Variants in CDK8 observed in about 807,000 individuals in gnomAD.
CDK8 encodes the protein cyclin dependent kinase 8, also known as cyclin-dependent kinase 8.
CDK8 carries 29 observed loss-of-function variants against 71.5 expected under a neutral mutation model. That is an observed-to-expected ratio of 0.41 (90% confidence interval 0.30 to 0.55). The LOEUF (loss-of-function observed/expected upper bound fraction) is 0.55, where lower values mean the gene tolerates loss of function less well. Among genes scored for constraint, CDK8 ranks in the 20% least tolerant of loss-of-function variants. The pLI, the probability that CDK8 is intolerant of heterozygous loss-of-function variation, is 0.37. For missense variants in CDK8, 288 were observed against 572.6 expected (o/e 0.50, Z 5.07); for synonymous variants, 161 against 192.1 (o/e 0.84, Z 1.34).
At chr13:26,338,630 A>C (rs1438330332) in intron 2 of CDK8, among the ~76,000 whole-genome samples, 2 of 152,152 alleles carry the variant, frequency 1.3e-5, no homozygotes, top group Non-Finnish European at 2.9e-5. Flanking sequence ...ATTGTTAACC[A>C]AAGGTAGACC....
chr13:26,317,956 A>G (rs946286232), intron 1 of CDK8, among the ~76,000 whole-genome samples: 4 of 152,066 alleles, frequency 2.6e-5, no homozygotes, highest in African/African-American at 9.7e-5. Flanking sequence ...CAAAATAGAG[A>G]ATAAAATATA....
intron 1 of CDK8, among the ~76,000 whole-genome samples, chr13:26,261,930 T>C (rs1286442368): frequency 1.3e-5 from 2 of 152,238 alleles, no homozygotes; most frequent in Non-Finnish European, 2.9e-5. Flanking sequence ...CTGACTAGTC[T>C]ATTTTATTCC....
chr13:26,329,469 GT>G (rs35796023), intron 1 of CDK8, among the ~76,000 whole-genome samples: 2,241 of 71,542 alleles, frequency 0.031, 35 homozygotes, highest in African/African-American at 0.051. Context: ...GCCTATTTCT[GT>G]TTTTTTTTTT....
At chr13:26,310,051 C>T (rs1874216534) in intron 1 of CDK8, among the ~76,000 whole-genome samples, 1 of 152,232 alleles carries the variant, frequency 6.6e-6, no homozygotes, top group Non-Finnish European at 1.5e-5. Context: ...CCACTGTGCC[C>T]AGCCTTACCA....
chr13:26,281,786 C>T (rs1403106416), intron 1 of CDK8, among the ~76,000 whole-genome samples: 2 of 151,188 alleles, frequency 1.3e-5, no homozygotes, highest in Non-Finnish European at 2.9e-5. Context: ...ATATTTACTC[C>T]AGAGAAGTAA....
intron 4 of CDK8, among the ~76,000 whole-genome samples, chr13:26,371,837 C>T (rs537635881): frequency 6.6e-6 from 1 of 152,090 alleles, no homozygotes; most frequent in South Asian, 2.1e-4. Flanking sequence ...AGGCTGGTCT[C>T]GAAATCCTGA....
At chr13:26,258,745 G>A (rs1871640272) in intron 1 of CDK8, among the ~76,000 whole-genome samples, 1 of 151,996 alleles carries the variant, frequency 6.6e-6, no homozygotes, top group Admixed American at 6.6e-5. Flanking sequence ...AACATAAAAT[G>A]TAATATTTTT....
At chr13:26,262,240 T>A (rs180874420) in intron 1 of CDK8, among the ~76,000 whole-genome samples, 2 of 152,304 alleles carry the variant, frequency 1.3e-5, no homozygotes, top group East Asian at 3.9e-4. Flanking sequence ...ACTACTTCAG[T>A]GTATATGTGG....
chr13:26,321,609 A>G (rs888393207), intron 1 of CDK8, among the ~76,000 whole-genome samples: 10 of 152,196 alleles, frequency 6.6e-5, no homozygotes, highest in Admixed American at 2.0e-4. Flanking sequence ...TGTAAACTAT[A>G]TAACTATGAT....
At chr13:26,388,842 T>C (rs1157822476) in intron 6 of CDK8, among the ~76,000 whole-genome samples, 1 of 152,182 alleles carries the variant, frequency 6.6e-6, no homozygotes, top group African/African-American at 2.4e-5. Context: ...CCTTTCTTCA[T>C]ATTTTCCTCC....
intron 1 of CDK8, among the ~76,000 whole-genome samples, chr13:26,300,915 TG>T (rs1172363186): frequency 1.3e-5 from 2 of 152,008 alleles, no homozygotes; most frequent in African/African-American, 4.8e-5. Flanking sequence ...TGTAGGAAAG[TG>T]GGGGTGAGGA....
At chr13:26,320,188 C>A (rs1263186306) in intron 1 of CDK8, among the ~76,000 whole-genome samples, 2 of 151,520 alleles carry the variant, frequency 1.3e-5, no homozygotes, top group African/African-American at 4.9e-5. Context: ...TCGCTTGAGC[C>A]CAGGTGTTTG....
intron 4 of CDK8, among the ~76,000 whole-genome samples, chr13:26,373,437 A>C (rs2138031469): frequency 6.6e-6 from 1 of 152,320 alleles, no homozygotes; most frequent in African/African-American, 2.4e-5. Context: ...AGCAAGAATT[A>C]TCAAGAATAA....
At chr13:26,402,211 A>G (rs1186075458) in intron 12 of CDK8, among the ~76,000 whole-genome samples, 1 of 152,232 alleles carries the variant, frequency 6.6e-6, no homozygotes, top group Admixed American at 6.5e-5. Flanking sequence ...TGAGGCTTGT[A>G]GAGGTTAAAT....
intron 1 of CDK8, among the ~76,000 whole-genome samples, chr13:26,278,067 A>G (rs952737398): frequency 1.3e-5 from 2 of 152,202 alleles, no homozygotes; most frequent in African/African-American, 2.4e-5. Flanking sequence ...TGTTCTTTCT[A>G]CAAATGGTTT....
intron 4 of CDK8, 67 bp from the exon 5 acceptor site, chr13:26,382,746 TG>T: frequency 1.2e-6 from 1 of 868,370 alleles, no homozygotes; most frequent in Non-Finnish European, 1.8e-6. Flanking sequence ...TGTGTTATAT[TG>T]GCATATTGTC....
At chr13:26,324,985 T>C (rs1874953946) in intron 1 of CDK8, among the ~76,000 whole-genome samples, 1 of 152,198 alleles carries the variant, frequency 6.6e-6, no homozygotes, top group Non-Finnish European at 1.5e-5. Context: ...GAATTTGAAG[T>C]ATAAACCTGG....
chr13:26,312,112 C>T (rs1874308608), intron 1 of CDK8, among the ~76,000 whole-genome samples: 1 of 152,110 alleles, frequency 6.6e-6, no homozygotes, highest in African/African-American at 2.4e-5. Flanking sequence ...AATCAGCACT[C>T]TTGTGTCTAG....
intron 1 of CDK8, among the ~76,000 whole-genome samples, chr13:26,305,125 C>T (rs927787241): frequency 1.3e-5 from 2 of 152,158 alleles, no homozygotes; most frequent in Non-Finnish European, 2.9e-5. Context: ...GACTGAAGAA[C>T]ACCCTTTAGT....
Sources: allele counts gnomAD v4.1 joint callset (sites outside exome capture counted in the v4.1 genomes callset), GRCh38; gene constraint gnomAD v4.1.1; transcripts MANE v1.5; gene names NCBI Gene and HGNC (gene_info 2026-07-23, HGNC 2026-07-21).